The following SHISA9 variants were observed in gnomAD, a reference collection of about 807,000 sequenced individuals.
SHISA9 encodes the protein shisa family member 9.
A neutral mutation model predicts 38.0 loss-of-function variants in SHISA9; 13 were observed. That is an observed-to-expected ratio of 0.34 (90% CI 0.22 to 0.54). SHISA9 has a LOEUF of 0.54. Among genes scored for constraint, SHISA9 ranks in the 20% least tolerant of loss-of-function variants. The pLI is 0.91. For missense variants in SHISA9, 538 were observed against 575.8 expected (o/e 0.93, Z 0.67); for synonymous variants, 275 against 242.0 (o/e 1.14, Z -1.27).
At chr16:13,509,651 A>T in the SHISA9 span, among the ~76,000 whole-genome samples, 7 of 152,340 alleles carry the variant, frequency 4.6e-5, no homozygotes, top group East Asian at 9.6e-4. Context: ...CTATATTTTT[A>T]AAATTATCAG....
chr16:13,051,330 C>G (rs759734583), intron 2 of SHISA9, among the ~76,000 whole-genome samples: 21 of 152,160 alleles, frequency 1.4e-4, no homozygotes, highest in Non-Finnish European at 3.1e-4. Flanking sequence ...TTATTCACTA[C>G]CACAAGAACA....
intron 2 of SHISA9, among the ~76,000 whole-genome samples, chr16:12,992,418 G>C (rs986021367): frequency 2.7e-5 from 4 of 150,702 alleles, no homozygotes; most frequent in Admixed American, 6.6e-5. Context: ...TGTAATCCCA[G>C]CTACTCAGGA....
At chr16:13,210,604 C>G (rs1309734451) in intron 3 of SHISA9, among the ~76,000 whole-genome samples, 1 of 152,152 alleles carries the variant, frequency 6.6e-6, no homozygotes, top group Non-Finnish European at 1.5e-5. Context: ...AGTGAAAACC[C>G]TAAAAGCCAT....
At chr16:13,453,951 A>G in the SHISA9 span, among the ~76,000 whole-genome samples, 1 of 152,198 alleles carries the variant, frequency 6.6e-6, no homozygotes, top group African/African-American at 2.4e-5. Context: ...TCATACATCA[A>G]ATGTTATAAT....
chr16:13,054,600 A>G (rs2073289099), intron 2 of SHISA9, among the ~76,000 whole-genome samples: 1 of 152,252 alleles, frequency 6.6e-6, no homozygotes, highest in Non-Finnish European at 1.5e-5. Context: ...TTTCAGGGCA[A>G]CAATGGGATT....
intron 2 of SHISA9, among the ~76,000 whole-genome samples, chr16:12,952,830 T>C (rs2071777038): frequency 6.6e-6 from 1 of 152,164 alleles, no homozygotes; most frequent in South Asian, 2.1e-4. Context: ...AATTACCCAG[T>C]CTCAGGGAGT....
At chr16:13,530,567 G>A in the SHISA9 span, among the ~76,000 whole-genome samples, 2 of 151,976 alleles carry the variant, frequency 1.3e-5, no homozygotes, top group African/African-American at 4.8e-5. Context: ...AAGTATGATG[G>A]CATCCGTGAT....
chr16:12,971,041 G>T (rs186772685), intron 2 of SHISA9, among the ~76,000 whole-genome samples: 1 of 151,726 alleles, frequency 6.6e-6, no homozygotes, highest in East Asian at 1.9e-4. Context: ...GAGGGAATTT[G>T]GACAGGAGAA....
At chr16:13,124,521 G>T (rs2050240242) in intron 2 of SHISA9, among the ~76,000 whole-genome samples, 1 of 152,098 alleles carries the variant, frequency 6.6e-6, no homozygotes, top group Non-Finnish European at 1.5e-5. Context: ...ACAGGGATGG[G>T]CACACCTTGG....
At chr16:13,299,978 G>T in the SHISA9 span, among the ~76,000 whole-genome samples, 21 of 152,244 alleles carry the variant, frequency 1.4e-4, no homozygotes, top group East Asian at 3.7e-3. Context: ...TAGGAGTGTG[G>T]TTGCTCAAAG....
At chr16:13,020,907 C>T (rs890040367) in intron 2 of SHISA9, among the ~76,000 whole-genome samples, 2 of 152,216 alleles carry the variant, frequency 1.3e-5, no homozygotes, top group African/African-American at 4.8e-5. Flanking sequence ...GCAAAAGGCC[C>T]TGCTGGATTC....
chr16:13,469,356 AAGAAAAGAAAAAGAAAGAAAGAAAG>A, the SHISA9 span, among the ~76,000 whole-genome samples: 133 of 125,968 alleles, frequency 1.1e-3, 1 homozygote, highest in East Asian at 0.022. Flanking sequence ...GAAAGAAAGA[AAGAAAAGAAAAAGAAAGAAAGAAAG>A]AAAGAAAGAA....
the SHISA9 span, among the ~76,000 whole-genome samples, chr16:13,535,042 T>C: frequency 5.3e-5 from 8 of 152,082 alleles, no homozygotes; most frequent in East Asian, 1.4e-3. Context: ...GTCAGGACTT[T>C]GAGATCAGCC....
the SHISA9 span, among the ~76,000 whole-genome samples, chr16:13,449,592 T>A: frequency 6.6e-5 from 10 of 152,294 alleles, no homozygotes; most frequent in South Asian, 2.1e-3. Flanking sequence ...GTGTACTGCA[T>A]TGTAGGTAAA....
At chr16:12,919,407 G>C (rs1034873736) in intron 2 of SHISA9, among the ~76,000 whole-genome samples, 1 of 152,176 alleles carries the variant, frequency 6.6e-6, no homozygotes, top group Non-Finnish European at 1.5e-5. Context: ...CATCCAAGTT[G>C]TTAGATTTGA....
At chr16:13,432,742 G>A in the SHISA9 span, among the ~76,000 whole-genome samples, 1 of 152,128 alleles carries the variant, frequency 6.6e-6, no homozygotes, top group Non-Finnish European at 1.5e-5. Context: ...CCATAAAAAA[G>A]AATAAGTGCA....
chr16:13,099,687 G>T (rs1359251136), intron 2 of SHISA9, among the ~76,000 whole-genome samples: 1 of 152,192 alleles, frequency 6.6e-6, no homozygotes, highest in African/African-American at 2.4e-5. Flanking sequence ...CGGGGACGGG[G>T]TTGGTGGGGG....
At chr16:13,127,580 G>C (rs2141984217) in intron 2 of SHISA9, among the ~76,000 whole-genome samples, 1 of 152,182 alleles carries the variant, frequency 6.6e-6, no homozygotes, top group African/African-American at 2.4e-5. Flanking sequence ...GAAGAGAAGG[G>C]GAGGGAGAGC....
the SHISA9 span, among the ~76,000 whole-genome samples, chr16:13,365,453 T>TC: frequency 8.6e-6 from 1 of 116,594 alleles, no homozygotes; most frequent in Non-Finnish European, 1.8e-5. Flanking sequence ...AGAGTATACC[T>TC]CTTTTTTTTT....
Sources: allele counts gnomAD v4.1 joint callset (sites outside exome capture counted in the v4.1 genomes callset), GRCh38; gene constraint gnomAD v4.1.1; transcripts MANE v1.5; gene names NCBI Gene and HGNC (gene_info 2026-07-23, HGNC 2026-07-21).